DENND1B: variants seen among roughly 807,000 people sequenced by gnomAD.
DENND1B encodes the protein DENN domain containing 1B, also known as DENN domain-containing protein 1B.
A neutral mutation model predicts 90.1 loss-of-function variants in DENND1B; 59 were observed. The ratio of observed to expected loss-of-function variants is 0.65; its 90% CI spans 0.53 to 0.81. DENND1B has a LOEUF of 0.81. DENND1B is among the 40% of genes least tolerant of loss of function. The probability of loss-of-function intolerance (pLI) is 0.00; values close to 1 mark genes in which losing one functional copy is unlikely to be tolerated. For synonymous variants in DENND1B, 337 were observed against 324.6 expected, an observed-to-expected ratio of 1.04 and a Z score of -0.41; for missense variants, 862 against 912.6, an observed-to-expected ratio of 0.94 and a Z score of 0.71.
At chr1:197,632,028 G>A (rs1679372105) in intron 10 of DENND1B, among the ~76,000 whole-genome samples, 1 of 152,056 alleles carries the variant, frequency 6.6e-6, no homozygotes, top group African/African-American at 2.4e-5. Context: ...GCCTGGAAAT[G>A]TTTCTAAAAC....
chr1:197,560,451 T>C (rs1487722411), intron 15 of DENND1B, among the ~76,000 whole-genome samples: 4 of 151,982 alleles, frequency 2.6e-5, no homozygotes, highest in Non-Finnish European at 4.4e-5. Flanking sequence ...ATAGACTTCC[T>C]AAGGGAAGTT....
At chr1:197,641,059 G>A (rs1389943994) in intron 10 of DENND1B, among the ~76,000 whole-genome samples, 1 of 152,136 alleles carries the variant, frequency 6.6e-6, no homozygotes, top group East Asian at 1.9e-4. Flanking sequence ...TGTAACCCTA[G>A]CTAATAAATA....
intron 10 of DENND1B, among the ~76,000 whole-genome samples, chr1:197,627,217 C>T (rs1450482807): frequency 6.6e-6 from 1 of 152,008 alleles, no homozygotes; most frequent in Non-Finnish European, 1.5e-5. Flanking sequence ...CGGGCAGAGA[C>T]ACACCGAAAA....
At position 197,510,097 on chromosome 1, in the gene DENND1B, T is replaced by A. The variant is rs999425553; in HGVS notation, c.*363A>T. On this transcript the variant is annotated 3_prime_UTR_variant, in exon 23 of 23. Transcript: ENST00000620048. ...GCTAGTTTTGATAAGTTTTGATATC[T>A]TGATCAGTTCATGCTCAACCAGATT... is the stretch of plus-strand genomic sequence containing the variant. The A allele has an allele frequency of 5.8e-6, 1 of 172,446 alleles. No homozygotes were observed. The highest frequency in any genetic ancestry group is 2.4e-5 in the African/African-American group (1 of 42,130). 10.7% of individuals were successfully genotyped at this position (172,446 alleles called of 1,614,324 possible).
upstream of DENND1B, among the ~76,000 whole-genome samples, chr1:197,778,632 A>G (rs928943504): frequency 6.6e-6 from 1 of 152,064 alleles, no homozygotes; most frequent in African/African-American, 2.4e-5. Flanking sequence ...AGCCAAGATC[A>G]TGCCGCTGCA....
chr1:197,595,960 T>G (rs1175981029), intron 13 of DENND1B, among the ~76,000 whole-genome samples: 1 of 152,064 alleles, frequency 6.6e-6, no homozygotes, highest in Non-Finnish European at 1.5e-5. Context: ...CATTTATGAA[T>G]GAAGAAATAG....
intron 16 of DENND1B, among the ~76,000 whole-genome samples, chr1:197,550,993 T>C (rs924760142): frequency 6.6e-6 from 1 of 151,722 alleles, no homozygotes; most frequent in Non-Finnish European, 1.5e-5. Context: ...ACAGGTTAAT[T>C]TCATGACATC....
chr1:197,655,405 C>A (rs1256527780), intron 6 of DENND1B, among the ~76,000 whole-genome samples: 1 of 152,188 alleles, frequency 6.6e-6, no homozygotes, highest in Non-Finnish European at 1.5e-5. Flanking sequence ...CACAGAGTTA[C>A]AACCCAGTGT....
At chr1:197,618,564 GAT>G (rs1677870695) in intron 10 of DENND1B, among the ~76,000 whole-genome samples, 1 of 151,006 alleles carries the variant, frequency 6.6e-6, no homozygotes, top group African/African-American at 2.4e-5. Context: ...TTAACAAAAG[GAT>G]ATCACTTTTT....
chr1:197,771,854 A>G (rs1656659735), intron 2 of DENND1B, among the ~76,000 whole-genome samples: 1 of 152,210 alleles, frequency 6.6e-6, no homozygotes, highest in Non-Finnish European at 1.5e-5. Flanking sequence ...GCAAGAACAC[A>G]TTAAAAGAAA....
intron 20 of DENND1B, among the ~76,000 whole-genome samples, chr1:197,526,925 C>G (rs902340132): frequency 1.3e-5 from 2 of 152,104 alleles, no homozygotes; most frequent in African/African-American, 4.8e-5. Flanking sequence ...TTTTGTGTAA[C>G]TATCTTCTTT....
chr1:197,524,618 G>A (rs1411197126), intron 20 of DENND1B, among the ~76,000 whole-genome samples: 6 of 152,076 alleles, frequency 3.9e-5, no homozygotes, highest in African/African-American at 1.4e-4. Flanking sequence ...TGTAAATAAT[G>A]GTCCTTAGTA....
chr1:197,707,109 G>A (rs1050104793), intron 3 of DENND1B, among the ~76,000 whole-genome samples: 1 of 152,124 alleles, frequency 6.6e-6, no homozygotes, highest in African/African-American at 2.4e-5. Flanking sequence ...GTCATTCATG[G>A]CAACACAGAT....
chr1:197,588,410 T>G (rs552923769), intron 14 of DENND1B, among the ~76,000 whole-genome samples: 1 of 152,296 alleles, frequency 6.6e-6, no homozygotes, highest in Admixed American at 6.5e-5. Context: ...TTAGATCTTA[T>G]ACTATCAGGA....
intron 3 of DENND1B, among the ~76,000 whole-genome samples, chr1:197,679,808 G>GTTTTTT (rs56246204): frequency 1.1e-5 from 1 of 91,998 alleles, no homozygotes; most frequent in Non-Finnish European, 2.1e-5. Context: ...TCCAAGGGTT[G>GTTTTTT]TTTTTTTTTT....
chr1:197,690,767 CT>C (rs1326233321), intron 3 of DENND1B: 1 of 151,956 alleles, frequency 6.6e-6, no homozygotes, highest in Admixed American at 6.6e-5. Flanking sequence ...ATTATAAAAC[CT>C]TCCGAAGGAA....
At position 197,720,710 on chromosome 1, in the gene DENND1B, TAGAA is replaced by T. The variant is rs140738504; in HGVS notation, c.83-5640_83-5637del. 5.1e-3 allele frequency among the ~76,000 whole-genome samples: 772 copies of T among 152,262 alleles called. 6 individuals carry two copies. Among genetic ancestry groups the T allele is most frequent in the African/African-American group, 0.017 (716 of 41,554 alleles). ...GGCAAAACACAGATTTACTGCATGATAGAAAGATATCACTCATTTTGACAAAGTA... is the reference window on the plus strand; with the variant it reads ...GGCAAAACACAGATTTACTGCATGATAGATATCACTCATTTTGACAAAGTA... On this transcript the variant is annotated intron_variant, in intron 2 of 22. Transcript: ENST00000620048.
intron 16 of DENND1B, chr1:197,552,562 T>C: frequency 1.0e-6 from 1 of 985,302 alleles, no homozygotes; most frequent in Middle Eastern, 5.2e-4. Context: ...TAAAGACATC[T>C]GTATAATAAT....
chr1:197,600,339 T>C (rs1676090167), intron 13 of DENND1B, among the ~76,000 whole-genome samples: 1 of 151,884 alleles, frequency 6.6e-6, no homozygotes, highest in African/African-American at 2.4e-5. Context: ...TTAACTCAGC[T>C]AGTTTCCAAC....
Sources: allele counts gnomAD v4.1 joint callset (sites outside exome capture counted in the v4.1 genomes callset), GRCh38; gene constraint gnomAD v4.1.1; transcripts MANE v1.5; gene names NCBI Gene and HGNC (gene_info 2026-07-23, HGNC 2026-07-21).